PPFIA2: variants seen among roughly 807,000 people sequenced by gnomAD.
PPFIA2 encodes the protein liprin-alpha-2.
Under a neutral mutation model 175.5 loss-of-function variants are expected in PPFIA2, and 46 were observed. The observed-to-expected ratio is 0.26, with a 90% CI of 0.21 to 0.34. The LOEUF is 0.34. Among genes scored for constraint, PPFIA2 ranks in the 10% least tolerant of loss-of-function variants. PPFIA2 has a pLI of 1.00. For missense variants in PPFIA2, 1,179 were observed against 1,506.1 expected, an observed-to-expected ratio of 0.78 and a Z score of 3.60; for synonymous variants, 568 against 511.4, an observed-to-expected ratio of 1.11 and a Z score of -1.49.
intron 4 of PPFIA2, among the ~76,000 whole-genome samples, chr12:81,525,420 A>T (rs917769644): frequency 1.3e-5 from 2 of 152,180 alleles, no homozygotes; most frequent in African/African-American, 4.8e-5. Context: ...TTGAAAAAAG[A>T]TATGAAGCAC....
At chr12:81,330,712 C>T (rs2055937771) in intron 21 of PPFIA2, among the ~76,000 whole-genome samples, 1 of 152,178 alleles carries the variant, frequency 6.6e-6, no homozygotes, top group Admixed American at 6.5e-5. Flanking sequence ...AAAGAGATCT[C>T]TAACTACTAC....
intron 4 of PPFIA2, among the ~76,000 whole-genome samples, chr12:81,500,566 A>G (rs1009250277): frequency 6.6e-6 from 1 of 152,202 alleles, no homozygotes; most frequent in African/African-American, 2.4e-5. Context: ...AAGTTCCTCC[A>G]TTGATACCTA....
intron 5 of PPFIA2, among the ~76,000 whole-genome samples, chr12:81,452,351 G>A (rs1046055435): frequency 1.3e-5 from 2 of 152,162 alleles, no homozygotes; most frequent in Admixed American, 6.5e-5. Flanking sequence ...GTAGACTAAT[G>A]TGGCTGCTGT....
chr12:81,608,443 G>T (rs1253458216), intron 4 of PPFIA2, among the ~76,000 whole-genome samples: 5 of 151,892 alleles, frequency 3.3e-5, no homozygotes, highest in Admixed American at 2.0e-4. Context: ...TTGATTGGTA[G>T]GTTTCTTATT....
At chr12:81,439,827 A>G in intron 7 of PPFIA2, 145 bp downstream of exon 7, 2 of 703,640 alleles carry the variant, frequency 2.8e-6, no homozygotes. Context: ...AGACTCCGGC[A>G]ACTAATTTCA....
At chr12:81,407,344 G>A (rs527716779) in intron 7 of PPFIA2, among the ~76,000 whole-genome samples, 3 of 151,934 alleles carry the variant, frequency 2.0e-5, no homozygotes, top group South Asian at 2.1e-4. Context: ...TTAGCCGGGC[G>A]TGATGGTGGG....
At chr12:81,493,426 G>T (rs2059628069) in intron 4 of PPFIA2, among the ~76,000 whole-genome samples, 1 of 151,880 alleles carries the variant, frequency 6.6e-6, no homozygotes, top group African/African-American at 2.4e-5. Context: ...TTACAGGGAT[G>T]GGAAACACCA....
At chr12:81,743,336 G>A (rs2082566406) in intron 3 of PPFIA2, among the ~76,000 whole-genome samples, 1 of 133,058 alleles carries the variant, frequency 7.5e-6, no homozygotes, top group Non-Finnish European at 1.5e-5. Flanking sequence ...AGAATCATTT[G>A]AACCCGGGAG....
chr12:81,642,703 T>TGTATATATTATATACATA lies in PPFIA2; in HGVS notation c.303+34087_303+34088insTATGTATATAATATATAC, dbSNP rs1173180908. Among the ~76,000 whole-genome samples, 68 of 13,928 alleles carry TGTATATATTATATACATA rather than the reference T, an allele frequency of 4.9e-3. 20 individuals are homozygous for TGTATATATTATATACATA. Among genetic ancestry groups the TGTATATATTATATACATA allele is most frequent in the Non-Finnish European group, 5.1e-3 (42 of 8,194 alleles). 9.1% of individuals were successfully genotyped at this position (13,928 alleles called of 152,430 possible). On this transcript the variant is annotated intron_variant, in intron 4 of 32. Coordinates refer to ENST00000549396, the MANE Select transcript of PPFIA2 (RefSeq NM_003625.5). ...TGTATCTATTATATACATACATGTA[T>TGTATATATTATATACATA]ATGTATGTATGTATTATATACATAC...
chr12:81,455,894 C>G (rs118184865), intron 5 of PPFIA2, among the ~76,000 whole-genome samples: 12,618 of 152,144 alleles, frequency 0.083, 752 homozygotes, highest in Middle Eastern at 0.16. Flanking sequence ...GCTCACTTAC[C>G]TGGTCTGTAA....
chr12:81,360,335 G>C (rs2061426424), intron 15 of PPFIA2, among the ~76,000 whole-genome samples: 1 of 151,866 alleles, frequency 6.6e-6, no homozygotes. Flanking sequence ...AATGAACCCT[G>C]TAGCTTCTCC....
intron 3 of PPFIA2, among the ~76,000 whole-genome samples, chr12:81,694,166 G>C (rs977710710): frequency 1.3e-5 from 2 of 152,158 alleles, no homozygotes; most frequent in Non-Finnish European, 2.9e-5. Context: ...AATTCAAGGA[G>C]GCTGAAGAGC....
rs34245260 is a variant in PPFIA2, at chr12:81,306,541, G to GTT, written c.2643-7161_2643-7160dup. 4.4e-3 allele frequency among the ~76,000 whole-genome samples: 471 copies of GTT among 107,164 alleles called. 8 individuals are homozygous for GTT. The highest frequency in any genetic ancestry group is 7.4e-3 in the Admixed American group (72 of 9,790). The allele number at this position is 107,164 out of a possible 152,430, so 70.3% of individuals were successfully genotyped here. A position where few individuals can be genotyped will look rare whatever the true frequency, so the allele number is the denominator to read the frequency against. ...TGTTTGTTTGTTTGTTTGTTTCGTT[G>GTT]TTTTTTTTTTTTTTTTTTTGGCAGA... On this transcript the variant is annotated intron_variant, in intron 22 of 32. Transcript: ENST00000549396.
At chr12:81,593,638 C>A (rs1403201142) in intron 4 of PPFIA2, among the ~76,000 whole-genome samples, 1 of 152,058 alleles carries the variant, frequency 6.6e-6, no homozygotes, top group Non-Finnish European at 1.5e-5. Context: ...GGATTTTTTA[C>A]AAAAGGCATT....
intron 11 of PPFIA2, among the ~76,000 whole-genome samples, chr12:81,371,185 A>T (rs369448802): frequency 6.6e-6 from 1 of 151,746 alleles, no homozygotes; most frequent in Admixed American, 6.6e-5. Flanking sequence ...CCTTTCCTCC[A>T]AGTCGTCCTC....
chr12:81,560,290 TAG>T (rs1482811014), intron 4 of PPFIA2, among the ~76,000 whole-genome samples: 1 of 150,826 alleles, frequency 6.6e-6, no homozygotes, highest in Non-Finnish European at 1.5e-5. Context: ...GAGAGAGAGC[TAG>T]AGAGAGAGAC....
chr12:81,277,132 AT>A (rs1465961621), intron 28 of PPFIA2, among the ~76,000 whole-genome samples, 184 bp downstream of exon 28: 2 of 152,164 alleles, frequency 1.3e-5, no homozygotes, highest in African/African-American at 4.8e-5. Flanking sequence ...TATTCACCCT[AT>A]AATATGGAGA....
At chr12:81,713,867 A>G (rs1451597926) in intron 3 of PPFIA2, among the ~76,000 whole-genome samples, 2 of 151,380 alleles carry the variant, frequency 1.3e-5, no homozygotes, top group Admixed American at 1.3e-4. Context: ...CTTATATTCT[A>G]GAGAAATGTG....
chr12:81,664,419 G>T (rs992149355), intron 4 of PPFIA2, among the ~76,000 whole-genome samples: 1 of 152,082 alleles, frequency 6.6e-6, no homozygotes, highest in African/African-American at 2.4e-5. Flanking sequence ...CATTTATGCA[G>T]CCAAAAGACA....
Sources: gnomAD v4.1 joint callset for allele counts (sites outside exome capture counted in the v4.1 genomes callset) on GRCh38, gnomAD v4.1.1 for gene constraint, MANE v1.5 for transcripts, NCBI Gene and HGNC (gene_info 2026-07-23, HGNC 2026-07-21) for gene names.